Variants in PTPRM observed in about 807,000 individuals in gnomAD.
PTPRM encodes protein tyrosine phosphatase receptor type M, also known as receptor-type tyrosine-protein phosphatase mu.
PTPRM carries 47 observed loss-of-function variants against 186.7 expected under a neutral mutation model. That is an observed-to-expected ratio of 0.25 (90% CI 0.20 to 0.32). PTPRM has a LOEUF of 0.32. Among genes scored for constraint, PTPRM ranks in the 10% least tolerant of loss-of-function variants. PTPRM has a pLI of 1.00. For missense variants in PTPRM, 1,494 were observed against 1,865.0 expected, an observed-to-expected ratio of 0.80 and a Z score of 3.66; for synonymous variants, 668 against 674.9, an observed-to-expected ratio of 0.99 and a Z score of 0.16.
intron 14 of PTPRM, among the ~76,000 whole-genome samples, chr18:8,170,903 C>T (rs919470288): frequency 6.6e-6 from 1 of 152,158 alleles, no homozygotes; most frequent in African/African-American, 2.4e-5. Context: ...AAAATAAAAC[C>T]ATTCATCCAT....
At chr18:8,215,718 G>A (rs539159394) in intron 14 of PTPRM, among the ~76,000 whole-genome samples, 219 of 151,004 alleles carry the variant, frequency 1.5e-3, no homozygotes, top group Non-Finnish European at 2.4e-3. Context: ...ACTTTTTTTC[G>A]TTCATTTTTT....
At chr18:7,919,715 G>C (rs151006502) in intron 4 of PTPRM, among the ~76,000 whole-genome samples, 1 of 152,046 alleles carries the variant, frequency 6.6e-6, no homozygotes, top group Non-Finnish European at 1.5e-5. Context: ...TTCTATAGAC[G>C]TCAGTTATGA....
intron 1 of PTPRM, among the ~76,000 whole-genome samples, chr18:7,612,071 C>T (rs1374366997): frequency 6.6e-6 from 1 of 152,138 alleles, no homozygotes; most frequent in African/African-American, 2.4e-5. Context: ...CCACAGGTTA[C>T]ATGAATTCCT....
At chr18:8,383,065 C>T (rs1025390690) in intron 29 of PTPRM, among the ~76,000 whole-genome samples, 7 of 151,772 alleles carry the variant, frequency 4.6e-5, no homozygotes, top group African/African-American at 7.3e-5. Flanking sequence ...TTTGGGAGGC[C>T]GAGGCGGGTG....
intron 20 of PTPRM, among the ~76,000 whole-genome samples, chr18:8,302,194 A>T (rs2095165817): frequency 6.6e-6 from 1 of 152,210 alleles, no homozygotes; most frequent in African/African-American, 2.4e-5. Context: ...CAACGTGGGG[A>T]CTGAGTGAGG....
chr18:8,237,940 A>G (rs1445297968), intron 14 of PTPRM, among the ~76,000 whole-genome samples: 1 of 140,350 alleles, frequency 7.1e-6, no homozygotes, highest in Non-Finnish European at 1.5e-5. Flanking sequence ...CTCTGTAAGT[A>G]ACGTGTTTTC....
At chr18:8,038,145 C>T (rs187662788) in intron 7 of PTPRM, among the ~76,000 whole-genome samples, 200 of 152,186 alleles carry the variant, frequency 1.3e-3, no homozygotes, top group Non-Finnish European at 2.4e-3. Flanking sequence ...AATAGAGACA[C>T]GTGGCTATCT....
At chr18:8,202,909 GTC>G (rs2093877885) in intron 14 of PTPRM, among the ~76,000 whole-genome samples, 1 of 152,134 alleles carries the variant, frequency 6.6e-6, no homozygotes, top group Non-Finnish European at 1.5e-5. Flanking sequence ...CAGTGTATAG[GTC>G]TCCACAGGCC....
chr18:8,123,865 G>A (rs1336494983), intron 13 of PTPRM, among the ~76,000 whole-genome samples: 1 of 152,190 alleles, frequency 6.6e-6, no homozygotes, highest in African/African-American at 2.4e-5. Flanking sequence ...AAAATGGGTT[G>A]TTCCCACCTT....
chr18:7,744,991 T>TA (rs1294042282), intron 1 of PTPRM, among the ~76,000 whole-genome samples: 3 of 152,146 alleles, frequency 2.0e-5, no homozygotes, highest in Non-Finnish European at 2.9e-5. Flanking sequence ...ATCAAAGGAA[T>TA]AATAATAGTG....
chr18:7,798,941 T>C (rs1396803790), intron 2 of PTPRM, among the ~76,000 whole-genome samples: 1 of 152,236 alleles, frequency 6.6e-6, no homozygotes, highest in Non-Finnish European at 1.5e-5. Context: ...CACCGGTAAT[T>C]ACACAGACTT....
intron 7 of PTPRM, among the ~76,000 whole-genome samples, chr18:8,063,041 G>C (rs1406905267): frequency 6.6e-6 from 1 of 151,120 alleles, no homozygotes; most frequent in Non-Finnish European, 1.5e-5. Flanking sequence ...GCAATGGCGG[G>C]CGCCCCTCCC....
intron 1 of PTPRM, among the ~76,000 whole-genome samples, chr18:7,683,867 A>G (rs1249915069): frequency 6.6e-6 from 1 of 152,222 alleles, no homozygotes; most frequent in East Asian, 1.9e-4. Context: ...ATGCACCCCC[A>G]GGCTCATTCA....
At chr18:7,818,416 C>T (rs1427182291) in intron 2 of PTPRM, among the ~76,000 whole-genome samples, 1 of 152,072 alleles carries the variant, frequency 6.6e-6, no homozygotes, top group East Asian at 1.9e-4. Context: ...GTGCCTCTTC[C>T]TACCAGGTAC....
chr18:7,740,923 G>A (rs1251743396), intron 1 of PTPRM, among the ~76,000 whole-genome samples: 4 of 152,182 alleles, frequency 2.6e-5, no homozygotes, highest in African/African-American at 9.7e-5. Flanking sequence ...GCTGCTTTGA[G>A]AGACGAATAC....
At chr18:8,036,239 G>C (rs572812379) in intron 7 of PTPRM, among the ~76,000 whole-genome samples, 1 of 152,334 alleles carries the variant, frequency 6.6e-6, no homozygotes, top group African/African-American at 2.4e-5. Context: ...GTTCAAGGAG[G>C]CTGTTCTGGC....
chr18:8,293,462 T>C (rs1488739858), intron 19 of PTPRM, among the ~76,000 whole-genome samples: 1 of 152,156 alleles, frequency 6.6e-6, no homozygotes, highest in African/African-American at 2.4e-5. Context: ...ATTTTCTGTA[T>C]GAGTTGAGGC....
chr18:7,772,422 T>G (rs963755467), intron 1 of PTPRM, among the ~76,000 whole-genome samples: 5 of 142,654 alleles, frequency 3.5e-5, no homozygotes, highest in Non-Finnish European at 6.1e-5. Flanking sequence ...TTTTCTTTCT[T>G]TCTCCCTTCC....
At chr18:7,740,834 G>A (rs969954151) in intron 1 of PTPRM, among the ~76,000 whole-genome samples, 1 of 152,182 alleles carries the variant, frequency 6.6e-6, no homozygotes, top group Admixed American at 6.5e-5. Context: ...GGCTATACAT[G>A]GTTAAGCTAT....
Sources: allele counts gnomAD v4.1 joint callset (sites outside exome capture counted in the v4.1 genomes callset), GRCh38; gene constraint gnomAD v4.1.1; transcripts MANE v1.5; gene names NCBI Gene and HGNC (gene_info 2026-07-23, HGNC 2026-07-21).